The following KCNIP4 variants were observed in gnomAD, a reference collection of about 807,000 sequenced individuals.
The protein encoded by KCNIP4 is Kv channel-interacting protein 4.
In KCNIP4, 12 loss-of-function variants were observed where a neutral mutation model predicts 34.0. That is an observed-to-expected ratio of 0.35 (90% CI 0.23 to 0.57). The LOEUF (loss-of-function observed/expected upper bound fraction) is 0.57, where lower values mean the gene tolerates loss of function less well. KCNIP4 is among the 20% of genes least tolerant of loss of function. The pLI is 0.83. For synonymous variants in KCNIP4, 124 were observed against 102.2 expected (o/e 1.21, Z -1.29); for missense variants, 238 against 311.7 (o/e 0.76, Z 1.78).
chr4:21,466,527 G>A (rs903842564), intron 1 of KCNIP4, among the ~76,000 whole-genome samples: 1 of 152,136 alleles, frequency 6.6e-6, no homozygotes, highest in Non-Finnish European at 1.5e-5. Context: ...TTATCACAAT[G>A]ATAAGCTGTG....
intron 1 of KCNIP4, among the ~76,000 whole-genome samples, chr4:21,194,370 A>T (rs972542853): frequency 1.3e-5 from 2 of 152,184 alleles, no homozygotes; most frequent in Admixed American, 6.5e-5. Flanking sequence ...TTTATTGACG[A>T]TTGGCCATCA....
intron 1 of KCNIP4, among the ~76,000 whole-genome samples, chr4:21,453,992 T>A (rs1728723091): frequency 6.6e-6 from 1 of 151,982 alleles, no homozygotes; most frequent in Admixed American, 6.6e-5. Flanking sequence ...CTGAGTCAAG[T>A]CATGTGAAAG....
At chr4:21,554,473 G>A (rs1252663809) in intron 1 of KCNIP4, among the ~76,000 whole-genome samples, 2 of 152,044 alleles carry the variant, frequency 1.3e-5, no homozygotes, top group Non-Finnish European at 2.9e-5. Context: ...AGATTTAAGT[G>A]GTATTATAAT....
intron 1 of KCNIP4, among the ~76,000 whole-genome samples, chr4:21,216,585 A>C (rs1757591594): frequency 6.6e-6 from 1 of 152,188 alleles, no homozygotes; most frequent in Admixed American, 6.5e-5. Flanking sequence ...GAAAATTGAT[A>C]ATCAGAATAG....
intron 1 of KCNIP4, among the ~76,000 whole-genome samples, chr4:21,140,659 G>C (rs545339682): frequency 3.9e-5 from 6 of 152,212 alleles, no homozygotes; most frequent in Admixed American, 3.3e-4. Context: ...AAACACTGCA[G>C]GCTGCTTTCC....
chr4:21,430,521 C>A (rs1726346729), intron 1 of KCNIP4, among the ~76,000 whole-genome samples: 1 of 152,026 alleles, frequency 6.6e-6, no homozygotes, highest in African/African-American at 2.4e-5. Context: ...ATTACATCAA[C>A]CTGCCCCGGC....
intron 1 of KCNIP4, among the ~76,000 whole-genome samples, chr4:21,539,607 T>C (rs1462991791): frequency 1.3e-5 from 2 of 152,172 alleles, no homozygotes; most frequent in East Asian, 1.9e-4. Context: ...AATAGTCATG[T>C]CCAGATTGAG....
intron 1 of KCNIP4, among the ~76,000 whole-genome samples, chr4:21,339,692 AT>A (rs1345980366): frequency 6.6e-6 from 1 of 152,166 alleles, no homozygotes; most frequent in Non-Finnish European, 1.5e-5. Context: ...ATCTCCTATG[AT>A]TTCAAGCTTG....
intron 1 of KCNIP4, among the ~76,000 whole-genome samples, chr4:21,780,912 G>A (rs1472558401): frequency 6.6e-6 from 1 of 152,066 alleles, no homozygotes; most frequent in East Asian, 1.9e-4. Context: ...CCTTTGGCTT[G>A]TGGCATCATC....
intron 3 of KCNIP4, among the ~76,000 whole-genome samples, chr4:20,844,224 G>A (rs1160322276): frequency 6.6e-6 from 1 of 152,154 alleles, no homozygotes; most frequent in East Asian, 1.9e-4. Context: ...TCAAAAGGGA[G>A]GTCGTGTTAA....
In KCNIP4 at chr4:21,396,221, A is replaced by G. The variant is rs562372014; in HGVS notation, c.62-513512T>C. On this transcript the variant is annotated intron_variant, in intron 1 of 8. Coordinates refer to ENST00000382152, the MANE Select transcript of KCNIP4 (RefSeq NM_025221.6). The stretch of plus-strand genomic sequence containing the variant: ...CAAAATATCAGTTCAGTCTTCCCCA[A>G]TATGACTGAGGTAGTCATTCTTATT... Among the ~76,000 whole-genome samples, 552 of 152,072 alleles carry G rather than the reference A, an allele frequency of 3.6e-3. 2 individuals carry two copies. Among genetic ancestry groups the G allele is most frequent in the African/African-American group, 0.011 (445 of 41,498 alleles).
At chr4:21,872,775 C>T (rs13110177) in intron 1 of KCNIP4, among the ~76,000 whole-genome samples, 15,390 of 152,114 alleles carry the variant, frequency 0.1, 803 homozygotes, top group African/African-American at 0.13. Context: ...AAATATTTTT[C>T]AAGAATTGTT....
At chr4:20,779,585 C>A (rs1463443225) in intron 3 of KCNIP4, among the ~76,000 whole-genome samples, 6 of 134,618 alleles carry the variant, frequency 4.5e-5, no homozygotes, top group South Asian at 2.4e-4. Context: ...AACCCCCCCC[C>A]CCCACACAAA....
intron 1 of KCNIP4, among the ~76,000 whole-genome samples, chr4:21,517,046 A>G (rs750603403): frequency 6.6e-6 from 1 of 152,158 alleles, no homozygotes; most frequent in East Asian, 1.9e-4. Flanking sequence ...CAAGTCCATG[A>G]AACACTCAGG....
intron 2 of KCNIP4, among the ~76,000 whole-genome samples, chr4:20,874,327 T>G (rs1723777367): frequency 6.6e-6 from 1 of 152,196 alleles, no homozygotes; most frequent in Non-Finnish European, 1.5e-5. Flanking sequence ...GTTTTGCCTC[T>G]CACAGCATTC....
chr4:20,770,348 A>G (rs1209906744), intron 3 of KCNIP4, among the ~76,000 whole-genome samples: 1 of 152,166 alleles, frequency 6.6e-6, no homozygotes, highest in Non-Finnish European at 1.5e-5. Context: ...ATAGTATCCC[A>G]TATGCTGAGT....
intron 1 of KCNIP4, among the ~76,000 whole-genome samples, chr4:21,145,905 A>C (rs16870452): frequency 6.6e-6 from 1 of 152,202 alleles, no homozygotes; most frequent in African/African-American, 2.4e-5. Flanking sequence ...TCAGGTCTAC[A>C]CTGCAAATTT....
intron 1 of KCNIP4, among the ~76,000 whole-genome samples, chr4:21,642,090 G>A (rs1746656942): frequency 6.6e-6 from 1 of 152,154 alleles, no homozygotes; most frequent in Non-Finnish European, 1.5e-5. Context: ...TAAACTTACA[G>A]AATGCCTTAT....
chr4:21,583,285 C>A (rs1176827465), intron 1 of KCNIP4, among the ~76,000 whole-genome samples: 1 of 151,866 alleles, frequency 6.6e-6, no homozygotes, highest in African/African-American at 2.4e-5. Flanking sequence ...GAGTTCAAGG[C>A]CAACTCAACT....
Sources: gnomAD v4.1 joint callset for allele counts (sites outside exome capture counted in the v4.1 genomes callset) on GRCh38, gnomAD v4.1.1 for gene constraint, MANE v1.5 for transcripts, NCBI Gene and HGNC (gene_info 2026-07-23, HGNC 2026-07-21) for gene names.